Variants in MIPOL1 observed in about 807,000 individuals in gnomAD.
MIPOL1 encodes the protein mirror-image polydactyly 1.
In MIPOL1, 57 loss-of-function variants were observed where a neutral mutation model predicts 60.9. That is an observed-to-expected ratio of 0.94 (90% CI 0.76 to 1.17). The LOEUF (loss-of-function observed/expected upper bound fraction) is 1.17. Ranked by LOEUF, MIPOL1 falls within the 50% of genes most tolerant of loss-of-function variation. The pLI, the probability that MIPOL1 is intolerant of heterozygous loss-of-function variation, is 0.00. For missense variants in MIPOL1, 551 were observed against 511.6 expected (o/e 1.08, Z -0.74); for synonymous variants, 179 against 168.8 (o/e 1.06, Z -0.47).
chr14:37,329,245 A>C lies in MIPOL1; in HGVS notation c.828+20726A>C, dbSNP rs536047171. 2.2e-4 allele frequency among the ~76,000 whole-genome samples: 33 copies of C among 152,212 alleles called. No homozygotes were observed. In the South Asian group the frequency reaches 3.5e-3, roughly 16 times the overall value. ...AAACAACTTTAAGAACATTAAAAAAAAAAGAATGCGGGTAAATGATTGACT... is the reference window on the plus strand; with the variant it reads ...AAACAACTTTAAGAACATTAAAAAACAAAGAATGCGGGTAAATGATTGACT... On this transcript the variant is annotated intron_variant, in intron 9 of 12. Transcript: ENST00000684589.
At chr14:37,380,135 T>C (rs1407340737) in intron 10 of MIPOL1, among the ~76,000 whole-genome samples, 4 of 152,094 alleles carry the variant, frequency 2.6e-5, no homozygotes, top group Admixed American at 6.6e-5. Flanking sequence ...CTGTAGACTA[T>C]GGGCAATCTG....
intron 5 of MIPOL1, among the ~76,000 whole-genome samples, chr14:37,270,215 T>G (rs1386591057): frequency 6.6e-6 from 1 of 152,206 alleles, no homozygotes; most frequent in African/African-American, 2.4e-5. Flanking sequence ...AAGTGTATAT[T>G]GGGATGTTTT....
chr14:37,285,128 A>G (rs1358482936), intron 6 of MIPOL1, among the ~76,000 whole-genome samples, 190 bp from the exon 7 acceptor site: 2 of 152,218 alleles, frequency 1.3e-5, no homozygotes, highest in African/African-American at 4.8e-5. Flanking sequence ...TTTTAGGGGT[A>G]TGAAGTGGTA....
intron 9 of MIPOL1, among the ~76,000 whole-genome samples, chr14:37,360,796 G>C (rs190033702): frequency 5.3e-4 from 81 of 152,114 alleles, no homozygotes; most frequent in Middle Eastern, 6.8e-3. Flanking sequence ...TTTTTTGAAG[G>C]GTTTTTTGTG....
chr14:37,345,132 T>C (rs972980854), intron 9 of MIPOL1, among the ~76,000 whole-genome samples: 1 of 152,176 alleles, frequency 6.6e-6, no homozygotes, highest in Non-Finnish European at 1.5e-5. Flanking sequence ...GGGTCTTGCT[T>C]TGTCACCAAG....
At chr14:37,243,146 A>G (rs1972618987) in intron 1 of MIPOL1, among the ~76,000 whole-genome samples, 1 of 152,190 alleles carries the variant, frequency 6.6e-6, no homozygotes, top group Admixed American at 6.5e-5. Flanking sequence ...TAGTAATGGA[A>G]CTGTGGGGTC....
At chr14:37,456,037 G>A (rs776046167) in intron 11 of MIPOL1, among the ~76,000 whole-genome samples, 6 of 151,828 alleles carry the variant, frequency 4.0e-5, no homozygotes, top group Non-Finnish European at 8.8e-5. Context: ...TATAGGATGT[G>A]CTGACAGCGT....
At chr14:37,283,676 A>T (rs193129185) in intron 6 of MIPOL1, among the ~76,000 whole-genome samples, 1 of 152,330 alleles carries the variant, frequency 6.6e-6, no homozygotes, top group East Asian at 1.9e-4. Flanking sequence ...ACATTTGTTG[A>T]TGATCCACTG....
chr14:37,347,896 T>G (rs994999730), intron 9 of MIPOL1, among the ~76,000 whole-genome samples: 1 of 152,248 alleles, frequency 6.6e-6, no homozygotes, highest in Non-Finnish European at 1.5e-5. Context: ...TAACTTTTTT[T>G]TCTTCGTTAA....
intron 12 of MIPOL1, among the ~76,000 whole-genome samples, chr14:37,536,850 T>C (rs951990876): frequency 5.3e-5 from 8 of 152,164 alleles, no homozygotes; most frequent in African/African-American, 1.9e-4. Flanking sequence ...CATAATAATT[T>C]TCTAAGCTTC....
At chr14:37,299,044 A>G (rs2086087591) in intron 7 of MIPOL1, among the ~76,000 whole-genome samples, 1 of 152,104 alleles carries the variant, frequency 6.6e-6, no homozygotes, top group South Asian at 2.1e-4. Context: ...ACTTGGAACC[A>G]ACCCAAATGT....
In MIPOL1 at chr14:37,358,060, A is replaced by G. The variant is rs994926753; in HGVS notation, c.829-11457A>G. 9.9e-5 allele frequency among the ~76,000 whole-genome samples: 15 copies of G among 151,532 alleles called. 1 individual carries two copies. The highest frequency in any genetic ancestry group is 6.3e-4 in the South Asian group (3 of 4,780). On this transcript the variant is annotated intron_variant, in intron 9 of 12. Transcript: ENST00000684589. ...TATGTCCAAGTGTTCTAAGTTTTCAATTCCCATCTGTGAGTGAGAACATGC... is the reference window on the plus strand; with the variant it reads ...TATGTCCAAGTGTTCTAAGTTTTCAGTTCCCATCTGTGAGTGAGAACATGC...
intron 1 of MIPOL1, among the ~76,000 whole-genome samples, chr14:37,202,083 C>T (rs1039671551): frequency 6.6e-6 from 1 of 152,114 alleles, no homozygotes; most frequent in Non-Finnish European, 1.5e-5. Context: ...CCTCCTGCCT[C>T]GACCTCCCAA....
intron 10 of MIPOL1, among the ~76,000 whole-genome samples, chr14:37,394,084 A>ATATATATATATATATATATC (rs1491106712): frequency 1.5e-5 from 2 of 134,674 alleles, no homozygotes; most frequent in African/African-American, 2.8e-5. Flanking sequence ...ATATATATAT[A>ATATATATATATATATATATC]TCTCCATGTT....
chr14:37,512,382 C>T (rs1288232759), intron 12 of MIPOL1, among the ~76,000 whole-genome samples: 2 of 151,694 alleles, frequency 1.3e-5, no homozygotes, highest in African/African-American at 4.8e-5. Flanking sequence ...CCCACAAACT[C>T]AGCTGCTTAA....
intron 1 of MIPOL1, chr14:37,212,198 G>T (rs1447413014): frequency 6.6e-6 from 1 of 152,164 alleles, no homozygotes; most frequent in Non-Finnish European, 1.5e-5. Flanking sequence ...AGTTGGAAAA[G>T]TAAAGAGGAT....
intron 10 of MIPOL1, among the ~76,000 whole-genome samples, chr14:37,415,586 G>A (rs545669786): frequency 4.9e-5 from 7 of 143,378 alleles, no homozygotes; most frequent in South Asian, 2.2e-4. Context: ...CCGAGATTGC[G>A]TCACTGCACT....
intron 10 of MIPOL1, chr14:37,385,700 C>G (rs2093047527): frequency 6.6e-6 from 1 of 151,920 alleles, no homozygotes; most frequent in Admixed American, 6.6e-5. Context: ...ATACATTATA[C>G]TATAATGTAA....
intron 10 of MIPOL1, chr14:37,401,434 T>C (rs1361592772): frequency 6.6e-6 from 1 of 151,954 alleles, no homozygotes; most frequent in Non-Finnish European, 1.5e-5. Context: ...GAAGAGAAAA[T>C]GTTATACCTT....
Sources: gnomAD v4.1 joint callset for allele counts (sites outside exome capture counted in the v4.1 genomes callset) on GRCh38, gnomAD v4.1.1 for gene constraint, MANE v1.5 for transcripts, NCBI Gene and HGNC (gene_info 2026-07-23, HGNC 2026-07-21) for gene names.